The following CFAP221 variants were observed in gnomAD, a reference collection of about 807,000 sequenced individuals.
CFAP221 encodes the protein cilia- and flagella-associated protein 221.
A neutral mutation model predicts 113.1 loss-of-function variants in CFAP221; 97 were observed. That is an observed-to-expected ratio of 0.86 (90% CI 0.73 to 1.02). The LOEUF (loss-of-function observed/expected upper bound fraction) is 1.02. Ranked by LOEUF, CFAP221 falls within the 50% of genes least tolerant of loss-of-function variation. CFAP221 has a pLI of 0.00. For synonymous variants in CFAP221, 331 were observed against 354.4 expected (o/e 0.93, Z 0.74); for missense variants, 1,025 against 1,013.4 (o/e 1.01, Z -0.16).
intron 19 of CFAP221, among the ~76,000 whole-genome samples, chr2:119,634,079 G>T (rs183307867): frequency 6.9e-4 from 105 of 152,224 alleles, no homozygotes; most frequent in African/African-American, 2.4e-3. Context: ...CTGCACTTCT[G>T]CCTGGGCAAC....
chr2:119,655,019 C>A (rs1409765294), intron 23 of CFAP221, among the ~76,000 whole-genome samples: 1 of 152,164 alleles, frequency 6.6e-6, no homozygotes, highest in Non-Finnish European at 1.5e-5. Context: ...CAACAGAGTC[C>A]TCCCTGCCAG....
intron 16 of CFAP221, 47 bp downstream of exon 16, chr2:119,627,833 C>A: frequency 6.2e-7 from 1 of 1,605,948 alleles, no homozygotes; most frequent in Non-Finnish European, 8.5e-7. Context: ...TGATCATGAT[C>A]GTGTTGGGCA....
chr2:119,611,947 C>A (rs568727316), intron 13 of CFAP221, among the ~76,000 whole-genome samples: 1 of 152,352 alleles, frequency 6.6e-6, no homozygotes, highest in South Asian at 2.1e-4. Flanking sequence ...ATGAACAGCA[C>A]TACATACTTT....
intron 11 of CFAP221, among the ~76,000 whole-genome samples, chr2:119,606,374 C>T (rs541835500): frequency 6.6e-6 from 1 of 152,152 alleles, no homozygotes; most frequent in African/African-American, 2.4e-5. Context: ...ACCCAGCCTC[C>T]ACCCTTCCCG....
At chr2:119,585,309 TA>T (rs935399307) in intron 6 of CFAP221, among the ~76,000 whole-genome samples, 1 of 152,168 alleles carries the variant, frequency 6.6e-6, no homozygotes, top group Non-Finnish European at 1.5e-5. Flanking sequence ...GAATACAGGG[TA>T]GGGGTCACTT....
chr2:119,658,248 A>C (rs1262459074), downstream of CFAP221, among the ~76,000 whole-genome samples: 3 of 152,146 alleles, frequency 2.0e-5, no homozygotes, highest in Admixed American at 1.3e-4. Context: ...ATGGACATTT[A>C]TTTTATTATA....
intron 19 of CFAP221, among the ~76,000 whole-genome samples, chr2:119,635,473 AC>A (rs1413605587): frequency 1.3e-5 from 2 of 152,198 alleles, no homozygotes; most frequent in Non-Finnish European, 2.9e-5. Context: ...GAAGTAATCT[AC>A]AGAGACAGAA....
At chr2:119,617,752 C>A (rs1574146057) in intron 14 of CFAP221, among the ~76,000 whole-genome samples, 2 of 152,206 alleles carry the variant, frequency 1.3e-5, no homozygotes, top group Non-Finnish European at 2.9e-5. Flanking sequence ...GTTGTGTTTG[C>A]AAAACTAAAA....
At chr2:119,651,842 C>T (rs941771056) in intron 22 of CFAP221, 132 bp from the exon 23 acceptor site, 2 of 606,576 alleles carry the variant, frequency 3.3e-6, no homozygotes, top group African/African-American at 3.8e-5. Context: ...TTAATGTAAA[C>T]AACAAAAGTA....
Position 119,602,833 on chromosome 2 carries a change from C to T in CFAP221, c.791+1456C>T, listed in dbSNP as rs557889587. 658 of 943,822 alleles carry T rather than the reference C, an allele frequency of 7.0e-4. 4 individuals are homozygous for T. The highest frequency in any genetic ancestry group is 2.3e-3 in the South Asian group (47 of 20,508). 58.5% of individuals were successfully genotyped at this position (943,822 alleles called of 1,614,324 possible). A position where few individuals can be genotyped will look rare whatever the true frequency, so the allele number is the denominator to read the frequency against. On this transcript the variant is annotated intron_variant, in intron 8 of 23. Transcript: ENST00000413369. ...TCAAATGACTTTCTTAAAGACATAA[C>T]ATGAGTGCGATTTTTATTTGTATAT...
intron 7 of CFAP221, among the ~76,000 whole-genome samples, chr2:119,600,909 A>G (rs1311920035): frequency 6.6e-6 from 1 of 152,166 alleles, no homozygotes; most frequent in East Asian, 1.9e-4. Context: ...TGAATAACAA[A>G]TATATTTTCT....
chr2:119,648,943 TGTGCCTGCCTGA>T (rs1687968865), intron 22 of CFAP221, among the ~76,000 whole-genome samples: 1 of 152,234 alleles, frequency 6.6e-6, no homozygotes, highest in Non-Finnish European at 1.5e-5. Flanking sequence ...CGCCCAGCCC[TGTGCCTGCCTGA>T]TCATTCTGCA....
At chr2:119,595,677 T>A (rs944419715) in intron 7 of CFAP221, among the ~76,000 whole-genome samples, 1 of 152,104 alleles carries the variant, frequency 6.6e-6, no homozygotes, top group Non-Finnish European at 1.5e-5. Flanking sequence ...CCCTGCTGTG[T>A]TGGAGCAGAG....
chr2:119,630,303 A>G (rs1686675677), intron 17 of CFAP221, among the ~76,000 whole-genome samples: 1 of 152,228 alleles, frequency 6.6e-6, no homozygotes, highest in African/African-American at 2.4e-5. Flanking sequence ...AAATGAAAAT[A>G]TTTTGGTGTG....
intron 19 of CFAP221, among the ~76,000 whole-genome samples, chr2:119,631,538 G>A (rs1028223847): frequency 2.0e-5 from 3 of 152,074 alleles, no homozygotes; most frequent in South Asian, 2.1e-4. Flanking sequence ...AGCCAAACGC[G>A]GTGGCACCTG....
intron 6 of CFAP221, among the ~76,000 whole-genome samples, chr2:119,569,108 T>TC (rs2104563948): frequency 6.6e-6 from 1 of 152,062 alleles, no homozygotes; most frequent in East Asian, 1.9e-4. Flanking sequence ...AATTTTTTTT[T>TC]CCCTCTGACT....
At chr2:119,659,239 A>G (rs942782777), downstream of CFAP221, among the ~76,000 whole-genome samples, 2 of 152,176 alleles carry the variant, frequency 1.3e-5, no homozygotes, top group African/African-American at 4.8e-5. Flanking sequence ...ACTACATTAC[A>G]GTATTGGTGT....
chr2:119,589,103 C>T (rs1683414528), intron 7 of CFAP221, among the ~76,000 whole-genome samples: 1 of 152,180 alleles, frequency 6.6e-6, no homozygotes, highest in Admixed American at 6.5e-5. Flanking sequence ...GATGGTGTTG[C>T]AGATGTGGCA....
At chr2:119,633,476 C>T (rs1457825177) in intron 19 of CFAP221, among the ~76,000 whole-genome samples, 1 of 151,434 alleles carries the variant, frequency 6.6e-6, no homozygotes. Flanking sequence ...AACTTGTATC[C>T]AGAATATATA....
Sources: gnomAD v4.1 joint callset for allele counts (sites outside exome capture counted in the v4.1 genomes callset) on GRCh38, gnomAD v4.1.1 for gene constraint, MANE v1.5 for transcripts, NCBI Gene and HGNC (gene_info 2026-07-23, HGNC 2026-07-21) for gene names.